The following ROPN1L variants were observed in gnomAD, a reference collection of about 807,000 sequenced individuals.
ROPN1L encodes rhophilin associated tail protein 1 like.
A neutral mutation model predicts 22.7 loss-of-function variants in ROPN1L; 23 were observed. That is an observed-to-expected ratio of 1.01 (90% CI 0.73 to 1.43). The LOEUF is 1.43. ROPN1L is among the 40% of genes most tolerant of loss of function. The pLI is 0.00. For missense variants in ROPN1L, 271 were observed against 291.5 expected, an observed-to-expected ratio of 0.93 and a Z score of 0.51; for synonymous variants, 116 against 117.8, an observed-to-expected ratio of 0.98 and a Z score of 0.10.
At chr5:10,457,976 T>C (rs1359361571) in intron 3 of ROPN1L, among the ~76,000 whole-genome samples, 1 of 152,078 alleles carries the variant, frequency 6.6e-6, no homozygotes, top group Non-Finnish European at 1.5e-5. Context: ...CCCAGCAGCC[T>C]GCAGGGCACC....
chr5:10,449,055 C>T (rs891449927), intron 2 of ROPN1L, among the ~76,000 whole-genome samples: 2 of 152,262 alleles, frequency 1.3e-5, no homozygotes, highest in Non-Finnish European at 2.9e-5. Context: ...AAGTACTGTG[C>T]TTCTGCGCAG....
chr5:10,460,466 A>G (rs753212887), intron 3 of ROPN1L, among the ~76,000 whole-genome samples: 10 of 152,216 alleles, frequency 6.6e-5, no homozygotes, highest in Non-Finnish European at 1.3e-4. Context: ...GGCAGGTGCT[A>G]AAAGTGTCTG....
the ROPN1L span, among the ~76,000 whole-genome samples, chr5:10,480,447 G>A: frequency 1.3e-5 from 2 of 152,132 alleles, no homozygotes; most frequent in East Asian, 1.9e-4. Flanking sequence ...GATCCCCTGG[G>A]AGGCACAGCC....
At chr5:10,447,532 C>T (rs750160792) in intron 1 of ROPN1L, among the ~76,000 whole-genome samples, 5 of 152,156 alleles carry the variant, frequency 3.3e-5, no homozygotes, top group African/African-American at 4.8e-5. Context: ...TATGCAGAGA[C>T]GCTTAAAGTC....
chr5:10,471,606 C>T (rs182071984), intron 4 of ROPN1L, among the ~76,000 whole-genome samples: 23 of 152,230 alleles, frequency 1.5e-4, no homozygotes, highest in Admixed American at 7.2e-4. Flanking sequence ...GGGCTGGCTG[C>T]GGTGGGGTTT....
chr5:10,467,274 G>GA (rs199945150), downstream of ROPN1L, among the ~76,000 whole-genome samples: 28,906 of 129,084 alleles, frequency 0.22, 3,901 homozygotes, highest in East Asian at 0.68. Flanking sequence ...AATGTAAATA[G>GA]AAAAAAAAAA....
chr5:10,452,287 A>ATGTGTGTGTGTGTG lies in ROPN1L; in HGVS notation c.417+2188_417+2201dup, dbSNP rs762971211. On this transcript the variant is annotated intron_variant, in intron 3 of 4. Coordinates refer to ENST00000274134, the MANE Select transcript of ROPN1L (RefSeq NM_031916.5). ...AGCCACTGCACCCAGCCTAAAGTAT[A>ATGTGTGTGTGTGTG]TGTGTGTGTGTGTGTGTGTGTGTGT... Among the ~76,000 whole-genome samples the ATGTGTGTGTGTGTG allele has an allele frequency of 8.8e-4, 125 of 142,508 alleles. 1 individual carries two copies. The highest frequency in any genetic ancestry group is 3.2e-3 in the African/African-American group (119 of 37,114). 93.5% of individuals were successfully genotyped at this position (142,508 alleles called of 152,430 possible). A position where few individuals can be genotyped will look rare whatever the true frequency, so the allele number is the denominator to read the frequency against.
At chr5:10,459,126 T>C (rs1440400608) in intron 3 of ROPN1L, among the ~76,000 whole-genome samples, 3 of 151,638 alleles carry the variant, frequency 2.0e-5, no homozygotes, top group Non-Finnish European at 2.9e-5. Flanking sequence ...TCTGGAACTT[T>C]TGCAGCTGTT....
At chr5:10,478,344 G>A in the ROPN1L span, among the ~76,000 whole-genome samples, 16 of 152,252 alleles carry the variant, frequency 1.1e-4, no homozygotes, top group East Asian at 2.7e-3. Flanking sequence ...GGGCTGCCCC[G>A]ACAAAGTATC....
downstream of ROPN1L, among the ~76,000 whole-genome samples, chr5:10,475,771 A>G (rs181686947): frequency 6.6e-6 from 1 of 152,192 alleles, no homozygotes; most frequent in Non-Finnish European, 1.5e-5. Context: ...TACAGAAAGT[A>G]ATGGACTCAG....
At chr5:10,475,287 A>G (rs1735303970), downstream of ROPN1L, among the ~76,000 whole-genome samples, 1 of 152,224 alleles carries the variant, frequency 6.6e-6, no homozygotes. Context: ...GTACCATTCC[A>G]GTCCTTGGGG....
intron 3 of ROPN1L, among the ~76,000 whole-genome samples, chr5:10,452,557 T>A (rs1741293203): frequency 1.3e-5 from 2 of 151,774 alleles, no homozygotes; most frequent in Admixed American, 6.6e-5. Context: ...TGGCTGATCT[T>A]GTACTCCTGA....
the ROPN1L span, among the ~76,000 whole-genome samples, chr5:10,479,719 G>A: frequency 6.6e-6 from 1 of 152,160 alleles, no homozygotes; most frequent in Non-Finnish European, 1.5e-5. Flanking sequence ...TGCACGGCAC[G>A]GCTTTGCGGT....
At chr5:10,446,043 C>T (rs1167187269) in intron 1 of ROPN1L, among the ~76,000 whole-genome samples, 2 of 152,216 alleles carry the variant, frequency 1.3e-5, no homozygotes, top group East Asian at 1.9e-4. Context: ...GCCAGCCTCC[C>T]CCTAAGCCTG....
At chr5:10,448,176 T>G in intron 1 of ROPN1L, 84 bp from the exon 2 acceptor site, 6 of 1,500,502 alleles carry the variant, frequency 4.0e-6, no homozygotes, top group Non-Finnish European at 4.6e-6. Flanking sequence ...ATCACCGTTG[T>G]TTTGGGGGGT....
chr5:10,469,833 T>C (rs1442363170), downstream of ROPN1L, among the ~76,000 whole-genome samples: 1 of 152,206 alleles, frequency 6.6e-6, no homozygotes, highest in Admixed American at 6.5e-5. Flanking sequence ...ACTCCAGAAA[T>C]ACGTGCTTAC....
chr5:10,448,438 G>T, intron 2 of ROPN1L, 55 bp downstream of exon 2: 1 of 1,607,258 alleles, frequency 6.2e-7, no homozygotes, highest in Non-Finnish European at 8.5e-7. Flanking sequence ...TTTCCTTACC[G>T]TTCACTGTGC....
At chr5:10,460,843 C>T (rs2673856) in intron 3 of ROPN1L, among the ~76,000 whole-genome samples, 136,147 of 152,312 alleles carry the variant, frequency 0.89, 61,013 homozygotes, top group East Asian at 1. Flanking sequence ...GGTGTGTCTC[C>T]GGGCCAGATG....
intron 3 of ROPN1L, among the ~76,000 whole-genome samples, chr5:10,453,950 C>G (rs956482348): frequency 2.6e-5 from 4 of 152,156 alleles, no homozygotes; most frequent in African/African-American, 9.7e-5. Context: ...GAACACTGCT[C>G]TACTTATTAC....
Sources: allele counts gnomAD v4.1 joint callset (sites outside exome capture counted in the v4.1 genomes callset), GRCh38; gene constraint gnomAD v4.1.1; transcripts MANE v1.5; gene names NCBI Gene and HGNC (gene_info 2026-07-23, HGNC 2026-07-21).